Variants in PRRC2A observed in about 807,000 individuals in gnomAD.
PRRC2A encodes the protein protein PRRC2A.
A neutral mutation model predicts 224.6 loss-of-function variants in PRRC2A; 59 were observed. The observed-to-expected ratio is 0.26, with a 90% CI of 0.21 to 0.33. The LOEUF (loss-of-function observed/expected upper bound fraction) is 0.33, where lower values mean the gene tolerates loss of function less well. PRRC2A is among the 10% of genes least tolerant of loss of function. PRRC2A has a pLI of 1.00. For synonymous variants in PRRC2A, 1,194 were observed against 1,109.5 expected (o/e 1.08, Z -1.51); for missense variants, 3,095 against 2,880.7 (o/e 1.07, Z -1.70).
chr6:31,637,500 C>T lies in PRRC2A; in HGVS notation c.6388C>T (p.Pro2130Ser). The T allele has an allele frequency of 6.4e-7, 1 of 1,574,700 alleles. No homozygotes were observed. The highest frequency in any genetic ancestry group is 8.6e-7 in the Non-Finnish European group (1 of 1,160,654). Reference sequence around the variant, plus strand: ...ACCTAAGCCTTGGGAGCGGACAGGGCCGCCACCTCGAGAAGGGCCCTCCCG... The same window carrying T: ...ACCTAAGCCTTGGGAGCGGACAGGGTCGCCACCTCGAGAAGGGCCCTCCCG... ...WIPKPWERTG[P>S]PPREGPSRRA... The change falls in exon 31 of 31, where the codon CCG becomes TCG. Residue 2130 changes from proline to serine, a missense_variant. Coordinates refer to ENST00000376033, the MANE Select transcript of PRRC2A (RefSeq NM_004638.4).
At position 31,636,425 on chromosome 6, in the gene PRRC2A, AG is replaced by A. The variant is rs778902456; in HGVS notation, c.5835+12del. On this transcript the variant is annotated splice_region_variant and intron_variant, in intron 26 of 30. Transcript: ENST00000376033. This position sits in a 1 kb window ranked among gnomAD's most constrained non-coding sequence, Gnocchi z 4.3. ...CTGACACATCGTTGCTTCAGGTAAG[AG>A]GGGGGCAGGTATTAGATATTGGGGG... 6 of 1,612,690 alleles carry A rather than the reference AG, an allele frequency of 3.7e-6. No individual in the cohort carries two copies. The highest frequency in any genetic ancestry group is 1.7e-5 in the Admixed American group (1 of 60,014).
chr6:31,627,147 C>A lies in PRRC2A; in HGVS notation c.1239C>A (p.Pro413=). Residue 413 remains proline, a synonymous_variant, in exon 11 of 31, where the codon CCC becomes CCA. Transcript: ENST00000376033. The surrounding 1 kb of genome is among the most constrained non-coding windows in gnomAD (Gnocchi z 5.6). ...CTCCTGCCCCAAAGCCTCCCCTACC[C>A]CCACCTCACCGGGGCCCCGCCGGGA... ...PGPPAPKPPL[P]PPHRGPAGNW... is the part of the protein sequence containing the mutation. The A allele has an allele frequency of 6.2e-7, 1 of 1,613,542 alleles. No homozygotes were observed.
rs2150527679 is a variant in PRRC2A at position 31,633,547 on chromosome 6, T to C, written c.4488T>C (p.His1496=). 1 of 1,613,022 alleles carries C rather than the reference T, an allele frequency of 6.2e-7. No homozygotes were observed. The highest frequency in any genetic ancestry group is 8.5e-7 in the Non-Finnish European group (1 of 1,179,982). Residue 1496 remains histidine, a synonymous_variant, in exon 17 of 31, where the codon CAT becomes CAC. Transcript: ENST00000376033. ...GGAGTGTAACTGCACCAGGGGGTCA[T>C]CCAAGGCACAAGCCTGGGCTTCCCC... The part of the protein sequence containing the change: ...RQGSVTAPGG[H]PRHKPGLPQA...
Position 31,632,756 on chromosome 6 carries a change from C to G in PRRC2A, c.4083C>G (p.Ala1361=). The G allele has an allele frequency of 6.2e-7, 1 of 1,613,086 alleles. No individual in the cohort carries two copies. Among genetic ancestry groups the G allele is most frequent in the Non-Finnish European group, 8.5e-7 (1 of 1,180,014 alleles). The part of the protein sequence containing the change: ...VGTPGGGGGG[A]VPGISAMSRG... The stretch of plus-strand genomic sequence containing the variant: ...CTCCTGGGGGAGGTGGAGGTGGAGC[C>G]GTACCAGGTATTTCAGCCATGTCCC... The change falls in exon 16 of 31, where the codon GCC becomes GCG. Residue 1361 remains alanine (A), a synonymous_variant. Transcript: ENST00000376033.
At position 31,635,948 on chromosome 6, in the gene PRRC2A, C is replaced by T. The variant is rs1013743200; in HGVS notation, c.5542-19C>T. Reference sequence around the variant, plus strand: ...ACCACAGATACTAAAGCTGTTTCAACCGTGCTCCTCTCCTGCAGATCTCTG... The same window carrying T: ...ACCACAGATACTAAAGCTGTTTCAATCGTGCTCCTCTCCTGCAGATCTCTG... On this transcript the variant is annotated intron_variant, in intron 24 of 30. Coordinates refer to ENST00000376033, the MANE Select transcript of PRRC2A (RefSeq NM_004638.4). 2.5e-6 allele frequency: 4 copies of T among 1,588,584 alleles called. No individual in the cohort carries two copies. Among genetic ancestry groups the T allele is most frequent in the Non-Finnish European group, 3.4e-6 (4 of 1,161,306 alleles).
At position 31,632,223 on chromosome 6, in the gene PRRC2A, G is replaced by C. The variant is rs766297093; in HGVS notation, c.3550G>C (p.Gly1184Arg). 6.2e-7 allele frequency: 1 copy of C among 1,612,374 alleles called. No individual in the cohort carries two copies. The highest frequency in any genetic ancestry group is 8.5e-7 in the Non-Finnish European group (1 of 1,179,752). Residue 1184 changes from glycine to arginine, a missense_variant, in exon 16 of 31, where the codon GGC becomes CGC. Physicochemically the swap from Gly to Arg is moderately radical, Grantham distance 125. Around this residue, in one of 8 missense-constraint regions of PRRC2A, gnomAD observed 2,001 missense variants for 1,764.9 expected, o/e 1.13. Transcript: ENST00000376033. The stretch of plus-strand genomic sequence containing the variant: ...GAGGCCCCCTCCTCAAGTTTGCCCA[G>C]GCTGGAGCCCTCCAGCCAAGTCTCT... The part of the protein sequence containing the change: ...GGRPPPQVCP[G>R]WSPPAKSLAP...
At position 31,631,873 on chromosome 6, in the gene PRRC2A, G is replaced by C; in HGVS notation, c.3200G>C (p.Gly1067Ala). 6.2e-7 allele frequency: 1 copy of C among 1,610,608 alleles called. No homozygotes were observed. The highest frequency in any genetic ancestry group is 8.5e-7 in the Non-Finnish European group (1 of 1,179,000). The change falls in exon 16 of 31, where the codon GGA (glycine) becomes GCA (alanine). Residue 1067 changes from glycine to alanine, a missense_variant. Coordinates refer to ENST00000376033, the MANE Select transcript of PRRC2A (RefSeq NM_004638.4). The surrounding 1 kb of genome is among the most constrained non-coding windows in gnomAD (Gnocchi z 4.5). ...YREFRGDDGRGGGTGGPNHPP... is the reference protein window; with the variant it reads ...YREFRGDDGRAGGTGGPNHPP... The stretch of plus-strand genomic sequence containing the variant: ...GAGTTTCGAGGAGATGATGGGCGTG[G>C]AGGTGGGACAGGGGGACCAAACCAC...
At position 31,633,601 on chromosome 6, in the gene PRRC2A, C is replaced by T. The variant is rs938710775; in HGVS notation, c.4542C>T (p.Pro1514=). ...CCCCTCAGGGCCCCTCTCCTAGGCC[C>T]CCAACCCGATACGAGCCCCAGAGGG... is the stretch of plus-strand genomic sequence containing the variant. ...PQAPQGPSPR[P]PTRYEPQRVN... The change falls in exon 17 of 31, where the codon CCC becomes CCT. Residue 1514 remains proline, a synonymous_variant. Coordinates refer to ENST00000376033, the MANE Select transcript of PRRC2A (RefSeq NM_004638.4). 1.9e-6 allele frequency: 3 copies of T among 1,612,716 alleles called. No individual in the cohort carries two copies. The African/African-American group carries it at 4.0e-5, about 22-fold the overall frequency.
At chr6:31,624,394 A>G in intron 4 of PRRC2A, 34 bp downstream of exon 4, 1 of 1,609,102 alleles carries the variant, frequency 6.2e-7, no homozygotes, top group Non-Finnish European at 8.5e-7. Context: ...GGGAGGAAGA[A>G]TGGTTCATAG....
At position 31,627,970 on chromosome 6, in the gene PRRC2A, C is replaced by A; in HGVS notation, c.1496C>A (p.Ala499Glu). The change falls in exon 12 of 31, where the codon GCA becomes GAA. Residue 499 changes from alanine (A) to glutamate (E), a missense_variant. Ala to Glu is a moderately radical substitution (Grantham distance 107). Coordinates refer to ENST00000376033, the MANE Select transcript of PRRC2A (RefSeq NM_004638.4). The surrounding 1 kb of genome is among the most constrained non-coding windows in gnomAD (Gnocchi z 5.6). The stretch of plus-strand genomic sequence containing the variant: ...AAGCGACTCGATGAAAAGTTTGGGG[C>A]ACCTGACAAGCGGCTCAAAGCAGAG... Reference protein sequence around the residue: ...KLKRLDEKFGAPDKRLKAEPA... With the variant: ...KLKRLDEKFGEPDKRLKAEPA... 2 of 1,613,004 alleles carry A rather than the reference C, an allele frequency of 1.2e-6. No individual in the cohort carries two copies. Among genetic ancestry groups the A allele is most frequent in the Non-Finnish European group, 1.7e-6 (2 of 1,180,034 alleles).
Position 31,627,136 on chromosome 6 carries a change from C to G in PRRC2A, c.1228C>G (p.Pro410Ala). The change falls in exon 11 of 31, where the codon CCT becomes GCT. Residue 410 changes from proline (P) to alanine (A), a missense_variant. Around this residue, in one of 8 missense-constraint regions of PRRC2A, gnomAD observed 2,001 missense variants for 1,764.9 expected, o/e 1.13. Transcript: ENST00000376033. The surrounding 1 kb of genome is among the most constrained non-coding windows in gnomAD (Gnocchi z 5.6). ...ETEPGPPAPK[P>A]PLPPPHRGPA... is the part of the protein sequence containing the mutation. ...AGAGCCGGGACCTCCTGCCCCAAAG[C>G]CTCCCCTACCCCCACCTCACCGGGG... 4 of 1,613,834 alleles carry G rather than the reference C, an allele frequency of 2.5e-6. No individual in the cohort carries two copies. Among genetic ancestry groups the G allele is most frequent in the Non-Finnish European group, 3.4e-6 (4 of 1,179,934 alleles).
Position 31,625,509 on chromosome 6 carries a change from G to C in PRRC2A, c.657G>C (p.Glu219Asp). ...GTGGGCGTGGCCCTGATGAGCTGGA[G>C]GGCCCGGACTCCAAACTTCATCATG... ...DGGGRGPDELEGPDSKLHHGH... is the reference protein window; with the variant it reads ...DGGGRGPDELDGPDSKLHHGH... The change falls in exon 7 of 31, where the codon GAG becomes GAC. Residue 219 changes from glutamate to aspartate, a missense_variant. By Grantham distance (45) the Glu-to-Asp change is conservative. Coordinates refer to ENST00000376033, the MANE Select transcript of PRRC2A (RefSeq NM_004638.4). The surrounding 1 kb of genome is among the most constrained non-coding windows in gnomAD (Gnocchi z 4.1). 1.3e-6 allele frequency: 2 copies of C among 1,583,676 alleles called. No homozygotes were observed. Among genetic ancestry groups the C allele is most frequent in the Non-Finnish European group, 1.7e-6 (2 of 1,161,168 alleles).
In PRRC2A at chr6:31,636,582, C is replaced by T. The variant is rs147622338; in HGVS notation, c.5908C>T (p.Leu1970Phe). ...PLQPGGQSGF[L>F]PSGAPAQQML... Reference sequence around the variant, plus strand: ...GCAGCCTGGTGGCCAAAGTGGCTTTCTCCCTTCAGGGGCTCCTGCCCAGCA... The same window carrying T: ...GCAGCCTGGTGGCCAAAGTGGCTTTTTCCCTTCAGGGGCTCCTGCCCAGCA... The change falls in exon 27 of 31, where the codon CTC becomes TTC. Residue 1970 changes from leucine (L) to phenylalanine (F), a missense_variant. Physicochemically the swap from Leu to Phe is conservative, Grantham distance 22. Transcript: ENST00000376033. This position sits in a 1 kb window ranked among gnomAD's most constrained non-coding sequence, Gnocchi z 4.3. 1 of 1,606,686 alleles carries T rather than the reference C, an allele frequency of 6.2e-7. No homozygotes were observed. Among genetic ancestry groups the T allele is most frequent in the Non-Finnish European group, 8.5e-7 (1 of 1,177,134 alleles).
chr6:31,636,976 CG>C lies in PRRC2A; in HGVS notation c.6147+32del. 1 of 1,602,304 alleles carries C rather than the reference CG, an allele frequency of 6.2e-7. No individual in the cohort carries two copies. Among genetic ancestry groups the C allele is most frequent in the Non-Finnish European group, 8.5e-7 (1 of 1,172,570 alleles). The stretch of plus-strand genomic sequence containing the variant: ...GTACAGGAACTGAGGGGCTAGGGAG[CG>C]CCAAGACTTGGGAGTAGGGATTCTG... On this transcript the variant is annotated intron_variant, in intron 28 of 30. Transcript: ENST00000376033. The surrounding 1 kb of genome is among the most constrained non-coding windows in gnomAD (Gnocchi z 4.3).
In PRRC2A at chr6:31,631,538, T is replaced by A. The variant is rs373078823; in HGVS notation, c.2865T>A (p.Pro955=). ...GCCGGGCTGGGCCTATAAAGAAACCTCCACCACCTACAAAAGTAGAAGAGC... is the reference window on the plus strand; with the variant it reads ...GCCGGGCTGGGCCTATAAAGAAACCACCACCACCTACAAAAGTAGAAGAGC... The part of the protein sequence containing the change: ...PPRRAGPIKK[P]PPPTKVEELP... The change falls in exon 16 of 31, where the codon CCT becomes CCA. Residue 955 remains proline, a synonymous_variant. Coordinates refer to ENST00000376033, the MANE Select transcript of PRRC2A (RefSeq NM_004638.4). This position sits in a 1 kb window ranked among gnomAD's most constrained non-coding sequence, Gnocchi z 4.5. The A allele has an allele frequency of 2.5e-5, 40 of 1,592,994 alleles. No homozygotes were observed. The highest frequency in any genetic ancestry group is 3.7e-5 in the Admixed American group (2 of 53,846).
At position 31,622,891 on chromosome 6, in the gene PRRC2A, G is replaced by A. The variant is rs9688644; in HGVS notation, c.102G>A (p.Gln34=). ...ATAAGGGCAAGTCCTTAGAGATCCA[G>A]AAACCCGCTGGTGAGAGTCCTGCAA... ...DTYKGKSLEI[Q]KPAVAPRHGL... is the part of the protein sequence containing the mutation. Residue 34 remains glutamine, a synonymous_variant, in exon 2 of 31, where the codon CAG becomes CAA. Coordinates refer to ENST00000376033, the MANE Select transcript of PRRC2A (RefSeq NM_004638.4). 2 of 1,613,696 alleles carry A rather than the reference G, an allele frequency of 1.2e-6. No individual in the cohort carries two copies.
chr6:31,627,854 T>A lies in PRRC2A; in HGVS notation c.1380T>A (p.Ile460=), dbSNP rs1488920018. The change falls in exon 12 of 31, where the codon ATT becomes ATA. Residue 460 remains isoleucine, a synonymous_variant. Coordinates refer to ENST00000376033, the MANE Select transcript of PRRC2A (RefSeq NM_004638.4). The surrounding 1 kb of genome is among the most constrained non-coding windows in gnomAD (Gnocchi z 5.6). ...RQRRKQSSSE[I]SLAVERARRR... ...GACGAAAGCAGTCGTCATCTGAGAT[T>A]TCCCTGGCAGTGGAGCGGGCCCGGC... 3 of 1,613,014 alleles carry A rather than the reference T, an allele frequency of 1.9e-6. No homozygotes were observed. The highest frequency in any genetic ancestry group is 2.5e-6 in the Non-Finnish European group (3 of 1,180,022).
chr6:31,633,820 C>T (rs777125982), intron 17 of PRRC2A, 39 bp from the exon 18 acceptor site: 20 of 1,555,798 alleles, frequency 1.3e-5, no homozygotes, highest in Non-Finnish European at 1.6e-5. Flanking sequence ...GGGTCAGTGG[C>T]AGAGCCAGGC....
intron 12 of PRRC2A, chr6:31,628,582 A>C (rs1226832940): frequency 5.7e-6 from 2 of 353,108 alleles, no homozygotes; most frequent in Admixed American, 8.7e-5. Context: ...GGTGGCTCAC[A>C]CTTGTAATCC....
Sources: allele counts gnomAD v4.1 joint callset, GRCh38; gene constraint gnomAD v4.1.1; regional missense constraint gnomAD v4.1.1; non-coding constraint Gnocchi (gnomAD v3.1); transcripts MANE v1.5; gene names NCBI Gene and HGNC (gene_info 2026-07-23, HGNC 2026-07-21).